JAG2: variants seen among roughly 807,000 people sequenced by gnomAD.
JAG2 encodes the protein jagged canonical Notch ligand 2.
Under a neutral mutation model 141.7 loss-of-function variants are expected in JAG2, and 46 were observed. The observed-to-expected ratio is 0.32, with a 90% CI of 0.26 to 0.42. JAG2 has a LOEUF of 0.42. Ranked by LOEUF, JAG2 falls within the 10% of genes least tolerant of loss-of-function variation. The probability of loss-of-function intolerance (pLI) is 1.00; values close to 1 mark genes in which losing one functional copy is unlikely to be tolerated. For missense variants in JAG2, 1,500 were observed against 1,817.5 expected (o/e 0.83, Z 3.18); for synonymous variants, 862 against 763.5 (o/e 1.13, Z -2.13).
At chr14:105,151,254 G>A (rs748502085) in intron 9 of JAG2, 29 bp downstream of exon 9, 23 of 1,593,112 alleles carry the variant, frequency 1.4e-5, no homozygotes, top group South Asian at 3.3e-5. Flanking sequence ...CGCGGCCCAC[G>A]TTCCCATGCA....
At chr14:105,160,829 C>A (rs901265310) in intron 2 of JAG2, among the ~76,000 whole-genome samples, 1 of 151,012 alleles carries the variant, frequency 6.6e-6, no homozygotes, top group Non-Finnish European at 1.5e-5. Context: ...CACCATTGCA[C>A]TCCAGCCTGG....
In JAG2 at chr14:105,142,106, C is replaced by T. The variant is rs901988334; in HGVS notation, c.*589G>A. The T allele has an allele frequency of 1.3e-5, 2 of 153,964 alleles. No individual in the cohort carries two copies. Among genetic ancestry groups the T allele is most frequent in the Non-Finnish European group, 2.9e-5 (2 of 69,304 alleles). The allele number at this position is 153,964 out of a possible 1,614,324, so 9.5% of individuals were successfully genotyped here. Reference sequence around the variant, plus strand: ...CGATGACCTCAGGCCCCACTAACAACCACAGGTGCGTCAACAGCCACGGGC... The same window carrying T: ...CGATGACCTCAGGCCCCACTAACAATCACAGGTGCGTCAACAGCCACGGGC... On this transcript the variant is annotated 3_prime_UTR_variant, in exon 26 of 26. Transcript: ENST00000331782.
rs1276094925 is a variant in JAG2 at position 105,151,742 on chromosome 14, G to A, written c.1040-3C>T. Reference sequence around the variant, plus strand: ...GTTGGAGGTGCAGGCGTGCTCAGCTGTAGAACCGCGGGGAGGGGGCAGAGC... The same window carrying A: ...GTTGGAGGTGCAGGCGTGCTCAGCTATAGAACCGCGGGGAGGGGGCAGAGC... On this transcript the variant is annotated splice_region_variant and splice_polypyrimidine_tract_variant and intron_variant, in intron 7 of 25. Coordinates refer to ENST00000331782, the MANE Select transcript of JAG2 (RefSeq NM_002226.5). The A allele has an allele frequency of 6.2e-7, 1 of 1,607,626 alleles. No individual in the cohort carries two copies. Among genetic ancestry groups the A allele is most frequent in the Non-Finnish European group, 8.5e-7 (1 of 1,177,522 alleles).
Position 105,150,684 on chromosome 14 carries a change from G to C in JAG2, c.1522C>G (p.His508Asp). The C allele has an allele frequency of 6.4e-7, 1 of 1,553,156 alleles. No homozygotes were observed. The highest frequency in any genetic ancestry group is 8.7e-7 in the Non-Finnish European group (1 of 1,148,522). ...ERDECASSPC[H>D]SGGLCEDLAD... ...AGGTCCTCGCAGAGGCCGCCGCTGT[G>C]GCAGGGGCTGCTGGCACACTCGTCT... The change falls in exon 12 of 26, where the codon CAC (histidine) becomes GAC (aspartate). Residue 508 changes from histidine to aspartate, a missense_variant. By Grantham distance (81) the His-to-Asp change is moderately conservative. Transcript: ENST00000331782.
rs1356866025 is a variant in JAG2 at position 105,148,164 on chromosome 14, A to G, written c.2200T>C (p.Phe734Leu). The change falls in exon 17 of 26, where the codon TTC becomes CTC. Residue 734 changes from phenylalanine (F) to leucine (L), a missense_variant. This residue lies in a region of JAG2 where 875 missense variants were observed against 1,202.2 expected (regional missense o/e 0.73). Transcript: ENST00000331782. ...GGTCYDSGDTFRCACPPGWKG... is the reference protein window; with the variant it reads ...GGTCYDSGDTLRCACPPGWKG... ...CAGCCGGGGGGGCAGGCGCAGCGGA[A>G]GGTGTCGCCGCTGTCGTAGCAGGTG... The G allele has an allele frequency of 6.4e-7, 1 of 1,551,278 alleles. No homozygotes were observed. Among genetic ancestry groups the G allele is most frequent in the Non-Finnish European group, 8.7e-7 (1 of 1,147,526 alleles).
intron 3 of JAG2, 97 bp downstream of exon 3, chr14:105,157,609 A>T: frequency 8.5e-7 from 1 of 1,172,472 alleles, no homozygotes; most frequent in Non-Finnish European, 1.2e-6. Context: ...TCCTCAGGGT[A>T]AAGCAAGGCT....
chr14:105,153,477 G>A (rs1214107010), intron 5 of JAG2, among the ~76,000 whole-genome samples: 4 of 152,236 alleles, frequency 2.6e-5, no homozygotes, highest in Non-Finnish European at 5.9e-5. Context: ...CCCAGACCTC[G>A]TGGGTCCCAA....
chr14:105,164,712 T>C (rs1423351727), intron 2 of JAG2, among the ~76,000 whole-genome samples: 1 of 151,624 alleles, frequency 6.6e-6, no homozygotes, highest in African/African-American at 2.4e-5. Context: ...AAGGAGAGGG[T>C]AGGGAAGGCT....
At chr14:105,164,026 C>A (rs1490736087) in intron 2 of JAG2, among the ~76,000 whole-genome samples, 1 of 152,114 alleles carries the variant, frequency 6.6e-6, no homozygotes, top group Non-Finnish European at 1.5e-5. Flanking sequence ...CATAAAGACA[C>A]CATGGAGCAG....
At chr14:105,159,354 C>T (rs918836322) in intron 2 of JAG2, among the ~76,000 whole-genome samples, 3 of 151,960 alleles carry the variant, frequency 2.0e-5, no homozygotes, top group Non-Finnish European at 4.4e-5. Context: ...TCCCTAGCCA[C>T]GTCGAGCTGA....
chr14:105,155,687 G>T (rs764554509), intron 4 of JAG2, 51 bp downstream of exon 4: 9 of 1,612,290 alleles, frequency 5.6e-6, no homozygotes, highest in Non-Finnish European at 7.6e-6. Context: ...TGTGCCCGGG[G>T]CCCTGCCCGA....
chr14:105,152,589 C>G (rs111617030), intron 5 of JAG2, among the ~76,000 whole-genome samples: 2,943 of 152,246 alleles, frequency 0.019, 103 homozygotes, highest in African/African-American at 0.068. Flanking sequence ...GAAAGGAAGG[C>G]CCTGCCGGGA....
In JAG2 at chr14:105,151,135, G is replaced by C. The variant is rs199970757; in HGVS notation, c.1268-31C>G. On this transcript the variant is annotated intron_variant, in intron 9 of 25. Transcript: ENST00000331782. ...AAAGAGACAAGGTGGGAGCCGTGGG[G>C]CTCGGGCCCTGCCTGCCCCCTGCAG... is the stretch of plus-strand genomic sequence containing the variant. The C allele has an allele frequency of 1.3e-5, 21 of 1,581,806 alleles. No individual in the cohort carries two copies. In the African/African-American group the frequency reaches 2.0e-4, roughly 15 times the overall value.
intron 7 of JAG2, 46 bp from the exon 8 acceptor site, chr14:105,151,785 G>A: frequency 6.3e-7 from 1 of 1,599,354 alleles, no homozygotes; most frequent in Non-Finnish European, 8.5e-7. Flanking sequence ...CAGGCCCCCA[G>A]CTTTCCACAA....
rs953560138 is a variant in JAG2, at chr14:105,141,457, G to C, written c.*1238C>G. ...CTATTTTATAAAACTGTTTTCAGCT[G>C]TTTTAGTCAGGGTCGGGTGCCAGGC... On this transcript the variant is annotated 3_prime_UTR_variant, in exon 26 of 26. Coordinates refer to ENST00000331782, the MANE Select transcript of JAG2 (RefSeq NM_002226.5). 15 of 152,244 alleles carry C rather than the reference G, an allele frequency of 9.9e-5. No individual in the cohort carries two copies. Among genetic ancestry groups the C allele is most frequent in the African/African-American group, 3.6e-4 (15 of 41,452 alleles). The allele number at this position is 152,244 out of a possible 1,614,324, so 9.4% of individuals were successfully genotyped here. A position where few individuals can be genotyped will look rare whatever the true frequency, so the allele number is the denominator to read the frequency against.
rs181335951 is a variant in JAG2 at position 105,151,195 on chromosome 14, A to C, written c.1267+88T>G. The C allele has an allele frequency of 4.0e-3, 5,855 of 1,469,090 alleles. 199 individuals carry two copies. The Admixed American group carries it at 0.076, about 19-fold the overall frequency. The allele number at this position is 1,469,090 out of a possible 1,614,324, so 91.0% of individuals were successfully genotyped here. A position where few individuals can be genotyped will look rare whatever the true frequency, so the allele number is the denominator to read the frequency against. ...CTGGCACCCGCAGCCCAGCAGCCCC[A>C]GCAGCCCCAGCAGCCCCCGCAGCCC... On this transcript the variant is annotated intron_variant, in intron 9 of 25. Transcript: ENST00000331782.
In JAG2 at chr14:105,167,218, T is replaced by C. The variant is rs1337411874; in HGVS notation, c.417+539A>G. Among the ~76,000 whole-genome samples, 4 of 152,190 alleles carry C rather than the reference T, an allele frequency of 2.6e-5. No homozygotes were observed. In the East Asian group the frequency reaches 7.7e-4, roughly 29 times the overall value. The stretch of plus-strand genomic sequence containing the variant: ...ATCCACTATCTCTGTCTCTGAACGA[T>C]CTTGGGTCACCATCGGGGGCTTCTG... On this transcript the variant is annotated intron_variant, in intron 2 of 25. Transcript: ENST00000331782. The surrounding 1 kb of genome is among the most constrained non-coding windows in gnomAD (Gnocchi z 4.8).
intron 23 of JAG2, among the ~76,000 whole-genome samples, 182 bp from the exon 24 acceptor site, chr14:105,145,243 G>C (rs988507967): frequency 2.0e-5 from 3 of 152,206 alleles, no homozygotes; most frequent in African/African-American, 7.2e-5. Context: ...CCAGGAGGCA[G>C]GAGTGACGGT....
Position 105,143,020 on chromosome 14 carries a change from A to G in JAG2, c.3392T>C (p.Leu1131Pro). The change falls in exon 26 of 26, where the codon CTC becomes CCC. Residue 1131 changes from leucine (L) to proline (P), a missense_variant. Transcript: ENST00000331782. ...EESANNQWAP[L>P]NPIRNPIERP... is the part of the protein sequence containing the mutation. ...CTCAATGGGGTTGCGGATGGGGTTG[A>G]GCGGGGCCCACTGGTTGTTGGCGCT... The G allele has an allele frequency of 6.2e-7, 1 of 1,606,238 alleles. No homozygotes were observed. The highest frequency in any genetic ancestry group is 8.5e-7 in the Non-Finnish European group (1 of 1,179,616).
Sources: gnomAD v4.1 joint callset for allele counts (sites outside exome capture counted in the v4.1 genomes callset) on GRCh38, gnomAD v4.1.1 for gene constraint, gnomAD v4.1.1 regional missense constraint, Gnocchi (gnomAD v3.1) non-coding constraint, MANE v1.5 for transcripts, NCBI Gene and HGNC (gene_info 2026-07-23, HGNC 2026-07-21) for gene names.